Variants in VCPIP1 observed in about 807,000 individuals in gnomAD.
The protein encoded by VCPIP1 is deubiquitinating protein VCPIP1.
VCPIP1 carries 8 observed loss-of-function variants against 85.0 expected under a neutral mutation model. The ratio of observed to expected loss-of-function variants is 0.09; its 90% CI spans 0.06 to 0.17. VCPIP1 has a LOEUF of 0.17. VCPIP1 is among the 10% of genes least tolerant of loss of function. VCPIP1 has a pLI of 1.00. For synonymous variants in VCPIP1, 543 were observed against 544.5 expected (o/e 1.00, Z 0.04); for missense variants, 1,070 against 1,486.3 (o/e 0.72, Z 4.61).
In VCPIP1 at chr8:66,630,217, C is replaced by T. The variant is rs1399833395; in HGVS notation, c.*4284G>A. 6.6e-6 allele frequency: 1 copy of T among 152,140 alleles called. No individual in the cohort carries two copies. The highest frequency in any genetic ancestry group is 1.9e-4 in the East Asian group (1 of 5,198). The allele number at this position is 152,140 out of a possible 1,614,324, so 9.4% of individuals were successfully genotyped here. ...ACTCAAATGTAATATATACAGTAATCACGAAATCGGAAAATAATGGGCAAC... is the reference window on the plus strand; with the variant it reads ...ACTCAAATGTAATATATACAGTAATTACGAAATCGGAAAATAATGGGCAAC... On this transcript the variant is annotated 3_prime_UTR_variant, in exon 3 of 3. Coordinates refer to ENST00000310421, the MANE Select transcript of VCPIP1 (RefSeq NM_025054.5).
chr8:66,651,185 C>CAAA (rs896750189), intron 2 of VCPIP1, among the ~76,000 whole-genome samples: 3 of 51,130 alleles, frequency 5.9e-5, no homozygotes, highest in Non-Finnish European at 9.9e-5. Flanking sequence ...AATTCCATCT[C>CAAA]AAAAAAAAAA....
At chr8:66,643,634 C>T (rs1182825118) in intron 2 of VCPIP1, among the ~76,000 whole-genome samples, 1 of 150,848 alleles carries the variant, frequency 6.6e-6, no homozygotes, top group East Asian at 2.0e-4. Context: ...ATCCGGGAGG[C>T]GGAGGTTGCA....
At position 66,666,864 on chromosome 8, in the gene VCPIP1, G is replaced by A. The variant is rs1286646578; in HGVS notation, c.95C>T (p.Ala32Val). 1 of 1,613,022 alleles carries A rather than the reference G, an allele frequency of 6.2e-7. No homozygotes were observed. Among genetic ancestry groups the A allele is most frequent in the Admixed American group, 1.7e-5 (1 of 60,024 alleles). Residue 32 changes from alanine (A) to valine (V), a missense_variant, in exon 1 of 3, where the codon GCT (alanine) becomes GTT (valine). Physicochemically the swap from Ala to Val is moderately conservative, Grantham distance 64. This residue lies in a region of VCPIP1 where 164 missense variants were observed against 158.6 expected (regional missense o/e 1.03). Transcript: ENST00000310421. This position sits in a 1 kb window ranked among gnomAD's most constrained non-coding sequence, Gnocchi z 6.3. ...TCTCCGCTTCAAAAGCCCCCCCGAA[G>A]CAGCCGCCGACGCCAAGGACGACGG... is the stretch of plus-strand genomic sequence containing the variant. ...QTPSSLASAA[A>V]SGGLLKRRDR... is the part of the protein sequence containing the mutation.
At position 66,667,058 on chromosome 8, in the gene VCPIP1, G is replaced by GC; in HGVS notation, c.-101dup. 1.4e-6 allele frequency: 2 copies of GC among 1,414,396 alleles called. No homozygotes were observed. The highest frequency in any genetic ancestry group is 1.8e-6 in the Non-Finnish European group (2 of 1,087,588). 87.6% of individuals were successfully genotyped at this position (1,414,396 alleles called of 1,614,324 possible). ...CGACTCGGTCCAGTCCAGGCCCAGG[G>GC]CGAAGCACTTTCCTTTCCCTACCAG... is the stretch of plus-strand genomic sequence containing the variant. On this transcript the variant is annotated 5_prime_UTR_variant, in exon 1 of 3. Transcript: ENST00000310421.
Position 66,635,088 on chromosome 8 carries a change from T to C in VCPIP1, c.3082A>G (p.Lys1028Glu). 1 of 1,614,214 alleles carries C rather than the reference T, an allele frequency of 6.2e-7. No homozygotes were observed. Among genetic ancestry groups the C allele is most frequent in the Non-Finnish European group, 8.5e-7 (1 of 1,180,042 alleles). Reference sequence around the variant, plus strand: ...GATGCAGTTCCTAAAGAATGCCCTTTTCCCTGAAAGGCAGTTACGTTATGA... The same window carrying C: ...GATGCAGTTCCTAAAGAATGCCCTTCTCCCTGAAAGGCAGTTACGTTATGA... ...QLHNVTAFQG[K>E]GHSLGTASGN... is the part of the protein sequence containing the mutation. The change falls in exon 3 of 3, where the codon AAA becomes GAA. Residue 1028 changes from lysine (K) to glutamate (E), a missense_variant. By Grantham distance (56) the Lys-to-Glu change is moderately conservative. Around this residue, in one of 8 missense-constraint regions of VCPIP1, gnomAD observed 255 missense variants for 289.5 expected, o/e 0.88. Transcript: ENST00000310421.
intron 1 of VCPIP1, among the ~76,000 whole-genome samples, chr8:66,659,094 A>G (rs1811128691): frequency 6.6e-6 from 1 of 152,224 alleles, no homozygotes; most frequent in South Asian, 2.1e-4. Flanking sequence ...TTAATGAAAT[A>G]TAACACTAAG....
In VCPIP1 at chr8:66,667,015, C is replaced by T; in HGVS notation, c.-57G>A. The T allele has an allele frequency of 4.1e-6, 6 of 1,452,378 alleles. No homozygotes were observed. The highest frequency in any genetic ancestry group is 1.5e-5 in the South Asian group (1 of 68,700). 90.0% of individuals were successfully genotyped at this position (1,452,378 alleles called of 1,614,324 possible). A position where few individuals can be genotyped will look rare whatever the true frequency, so the allele number is the denominator to read the frequency against. On this transcript the variant is annotated 5_prime_UTR_variant, in exon 1 of 3. Transcript: ENST00000310421. ...CCAGGCGACCCTCAAAAGCTCATAGCCCAGACCCCCACCAACCCGACTCGG... is the reference window on the plus strand; with the variant it reads ...CCAGGCGACCCTCAAAAGCTCATAGTCCAGACCCCCACCAACCCGACTCGG...
At chr8:66,644,928 G>A (rs184150925) in intron 2 of VCPIP1, among the ~76,000 whole-genome samples, 6 of 151,728 alleles carry the variant, frequency 4.0e-5, no homozygotes, top group African/African-American at 7.3e-5. Flanking sequence ...GTGAAACCCC[G>A]TCTCTACAAA....
In VCPIP1 at chr8:66,666,114, C is replaced by T; in HGVS notation, c.845G>A (p.Gly282Asp). The change falls in exon 1 of 3, where the codon GGT becomes GAT. Residue 282 changes from glycine (G) to aspartate (D), a missense_variant. By Grantham distance (94) the Gly-to-Asp change is moderately conservative. Around this residue, in one of 8 missense-constraint regions of VCPIP1, gnomAD observed 118 missense variants for 337.1 expected, o/e 0.35. Coordinates refer to ENST00000310421, the MANE Select transcript of VCPIP1 (RefSeq NM_025054.5). This position sits in a 1 kb window ranked among gnomAD's most constrained non-coding sequence, Gnocchi z 6.3. Reference sequence around the variant, plus strand: ...GATATTCCTCAGGCCCAAGGGAACACCCTCAGGTGGTACAAACAGAGGGTC... The same window carrying T: ...GATATTCCTCAGGCCCAAGGGAACATCCTCAGGTGGTACAAACAGAGGGTC... ...ECDPLFVPPE[G>D]VPLGLRNIHI... The T allele has an allele frequency of 6.2e-7, 1 of 1,614,188 alleles. No individual in the cohort carries two copies. The highest frequency in any genetic ancestry group is 8.5e-7 in the Non-Finnish European group (1 of 1,180,040).
intron 2 of VCPIP1, among the ~76,000 whole-genome samples, chr8:66,647,510 TA>T (rs1811008985): frequency 1.3e-5 from 2 of 152,100 alleles, no homozygotes; most frequent in African/African-American, 4.8e-5. Context: ...TAATCAGGAT[TA>T]TTACTGTACT....
intron 2 of VCPIP1, among the ~76,000 whole-genome samples, chr8:66,639,502 C>T (rs1244959111): frequency 6.6e-6 from 1 of 150,624 alleles, no homozygotes; most frequent in African/African-American, 2.4e-5. Flanking sequence ...TTACAGGGGC[C>T]TGCCACCATA....
intron 2 of VCPIP1, among the ~76,000 whole-genome samples, chr8:66,650,792 G>A (rs778313266): frequency 1.4e-5 from 2 of 147,548 alleles, no homozygotes; most frequent in Non-Finnish European, 1.5e-5. Context: ...ACCCAGAGGC[G>A]GAGGTTGCAG....
intron 1 of VCPIP1, among the ~76,000 whole-genome samples, chr8:66,654,972 C>T (rs544846267): frequency 6.6e-6 from 1 of 152,272 alleles, no homozygotes; most frequent in South Asian, 2.1e-4. Flanking sequence ...AATGTTATAC[C>T]ACCACACAAC....
At chr8:66,659,240 A>C (rs1303117692) in intron 1 of VCPIP1, among the ~76,000 whole-genome samples, 2 of 150,740 alleles carry the variant, frequency 1.3e-5, no homozygotes, top group African/African-American at 4.9e-5. Flanking sequence ...TCTGTTGCCC[A>C]GACTGGAGTG....
At chr8:66,640,324 C>T (rs1005920297) in intron 2 of VCPIP1, among the ~76,000 whole-genome samples, 2 of 152,162 alleles carry the variant, frequency 1.3e-5, no homozygotes, top group Admixed American at 1.3e-4. Context: ...ATACATCCAC[C>T]ATCTCCTTTG....
chr8:66,651,221 C>T (rs1811050944), intron 2 of VCPIP1, among the ~76,000 whole-genome samples: 1 of 147,658 alleles, frequency 6.8e-6, no homozygotes, highest in African/African-American at 2.5e-5. Flanking sequence ...TACACCCATA[C>T]ACATAATTTA....
intron 1 of VCPIP1, among the ~76,000 whole-genome samples, chr8:66,657,918 C>T (rs1015999551): frequency 6.6e-6 from 1 of 152,072 alleles, no homozygotes; most frequent in African/African-American, 2.4e-5. Flanking sequence ...TCACCATTTA[C>T]AATATATACA....
chr8:66,639,981 G>A (rs1479606049), intron 2 of VCPIP1, among the ~76,000 whole-genome samples: 2 of 152,114 alleles, frequency 1.3e-5, no homozygotes, highest in Non-Finnish European at 2.9e-5. Context: ...GGAGGATCAG[G>A]TGGGTGCTAG....
chr8:66,651,603 G>T, intron 1 of VCPIP1, 59 bp from the exon 2 acceptor site: 1 of 1,412,254 alleles, frequency 7.1e-7, no homozygotes, highest in Non-Finnish European at 9.9e-7. Flanking sequence ...ATCCAGGGCT[G>T]CTTTAGTAAG....
Sources: gnomAD v4.1 joint callset for allele counts (sites outside exome capture counted in the v4.1 genomes callset) on GRCh38, gnomAD v4.1.1 for gene constraint, gnomAD v4.1.1 regional missense constraint, Gnocchi (gnomAD v3.1) non-coding constraint, MANE v1.5 for transcripts, NCBI Gene and HGNC (gene_info 2026-07-23, HGNC 2026-07-21) for gene names.